CPQ: variants seen among roughly 807,000 people sequenced by gnomAD.
The protein encoded by CPQ is carboxypeptidase Q.
In CPQ, 37 loss-of-function variants were observed where a neutral mutation model predicts 45.7. The observed-to-expected ratio is 0.81, with a 90% CI of 0.62 to 1.07. CPQ has a LOEUF of 1.07. Ranked by LOEUF, CPQ falls within the 50% of genes least tolerant of loss-of-function variation. The pLI is 0.00. For missense variants in CPQ, 537 were observed against 572.9 expected, an observed-to-expected ratio of 0.94 and a Z score of 0.64; for synonymous variants, 186 against 205.8, an observed-to-expected ratio of 0.90 and a Z score of 0.82.
intron 2 of CPQ, among the ~76,000 whole-genome samples, chr8:96,795,764 A>G (rs1352045906): frequency 1.3e-5 from 2 of 152,056 alleles, no homozygotes; most frequent in Non-Finnish European, 1.5e-5. Flanking sequence ...CTTTTAATGT[A>G]GAAAGAAGTA....
intron 6 of CPQ, among the ~76,000 whole-genome samples, chr8:97,029,856 C>T (rs184712303): frequency 7.9e-5 from 12 of 152,250 alleles, no homozygotes; most frequent in African/African-American, 1.2e-4. Flanking sequence ...CCTCAATGCC[C>T]GCCATATTCC....
At chr8:96,788,826 A>T in intron 2 of CPQ, among the ~76,000 whole-genome samples, 1 of 147,634 alleles carries the variant, frequency 6.8e-6, no homozygotes. Context: ...TTTATTCTTT[A>T]TTTTCTTTGT....
At chr8:96,881,514 G>A (rs1293270948) in intron 4 of CPQ, among the ~76,000 whole-genome samples, 4 of 152,084 alleles carry the variant, frequency 2.6e-5, no homozygotes, top group Admixed American at 2.0e-4. Context: ...TCCGACATTC[G>A]AATTACAATT....
chr8:96,933,051 T>G (rs967962146), intron 4 of CPQ, among the ~76,000 whole-genome samples: 4 of 152,192 alleles, frequency 2.6e-5, no homozygotes, highest in Admixed American at 2.6e-4. Context: ...GTCAACTCTT[T>G]CAGATGGTAG....
chr8:96,906,429 T>G (rs542173969), intron 4 of CPQ, among the ~76,000 whole-genome samples: 1 of 152,172 alleles, frequency 6.6e-6, no homozygotes, highest in Non-Finnish European at 1.5e-5. Flanking sequence ...AACCCCAGCA[T>G]ACAGCACAAG....
Position 96,824,827 on chromosome 8 carries a change from T to C in CPQ, c.434-10146T>C. Among the ~76,000 whole-genome samples, 2 of 152,076 alleles carry C rather than the reference T, an allele frequency of 1.3e-5. 1 individual carries two copies. The highest frequency in any genetic ancestry group is 2.9e-5 in the Non-Finnish European group (2 of 67,988). On this transcript the variant is annotated intron_variant, in intron 2 of 7. Coordinates refer to ENST00000220763, the MANE Select transcript of CPQ (RefSeq NM_016134.4). ...CTATTCATTTTGTTGATTTCAGTGGTTGGGGATAAATGGCCCAGGAGGCTC... is the reference window on the plus strand; with the variant it reads ...CTATTCATTTTGTTGATTTCAGTGGCTGGGGATAAATGGCCCAGGAGGCTC...
chr8:96,656,711 G>A (rs1217995449), intron 1 of CPQ, among the ~76,000 whole-genome samples: 1 of 152,260 alleles, frequency 6.6e-6, no homozygotes, highest in African/African-American at 2.4e-5. Context: ...GAGGCTGGCC[G>A]TCTAAAGACT....
At chr8:96,891,972 G>T (rs566572307) in intron 4 of CPQ, among the ~76,000 whole-genome samples, 1 of 152,242 alleles carries the variant, frequency 6.6e-6, no homozygotes, top group Non-Finnish European at 1.5e-5. Flanking sequence ...TTGGGATGAG[G>T]TATATTACAA....
chr8:97,060,695 T>C (rs1810535997), intron 6 of CPQ, among the ~76,000 whole-genome samples: 1 of 152,136 alleles, frequency 6.6e-6, no homozygotes, highest in Non-Finnish European at 1.5e-5. Flanking sequence ...CTACACCCTA[T>C]AAACAAGAGG....
At chr8:96,658,506 G>A (rs947251251) in intron 1 of CPQ, among the ~76,000 whole-genome samples, 8 of 152,098 alleles carry the variant, frequency 5.3e-5, no homozygotes, top group South Asian at 2.1e-4. Flanking sequence ...CACCCCCTAC[G>A]GTGTCCATAT....
At chr8:96,667,116 C>T (rs771477613) in intron 1 of CPQ, among the ~76,000 whole-genome samples, 2 of 152,212 alleles carry the variant, frequency 1.3e-5, no homozygotes, top group Non-Finnish European at 2.9e-5. Flanking sequence ...AAATCTACCC[C>T]GCCATTTGGA....
At chr8:96,825,240 C>T (rs1022435447) in intron 2 of CPQ, among the ~76,000 whole-genome samples, 1 of 152,026 alleles carries the variant, frequency 6.6e-6, no homozygotes, top group Non-Finnish European at 1.5e-5. Context: ...AATGAAGTCT[C>T]CTCTGTCTTT....
chr8:96,941,156 TG>T (rs1390453923), intron 4 of CPQ, among the ~76,000 whole-genome samples: 2 of 152,146 alleles, frequency 1.3e-5, no homozygotes, highest in Non-Finnish European at 2.9e-5. Context: ...GGATGGAATG[TG>T]GGTACTACAT....
At chr8:96,837,375 T>A (rs570358610) in intron 3 of CPQ, among the ~76,000 whole-genome samples, 5 of 152,192 alleles carry the variant, frequency 3.3e-5, no homozygotes, top group Non-Finnish European at 5.9e-5. Flanking sequence ...TGCCTACGTG[T>A]CAAATTTAAT....
At chr8:97,125,040 C>G (rs577527421) in intron 7 of CPQ, among the ~76,000 whole-genome samples, 1 of 152,050 alleles carries the variant, frequency 6.6e-6, no homozygotes, top group Non-Finnish European at 1.5e-5. Context: ...AAGATGCAAA[C>G]TGGCAATCTC....
At position 96,870,699 on chromosome 8, in the gene CPQ, C is replaced by T. The variant is rs372192031; in HGVS notation, c.642-9099C>T. On this transcript the variant is annotated intron_variant, in intron 3 of 7. Transcript: ENST00000220763. The stretch of plus-strand genomic sequence containing the variant: ...AATGAATTAATGTGTGAAAAGCACA[C>T]AGCACACTGGCAGGCACAGGGCAAA... Among the ~76,000 whole-genome samples the T allele has an allele frequency of 8.3e-4, 127 of 152,126 alleles. 1 individual carries two copies. Among genetic ancestry groups the T allele is most frequent in the Non-Finnish European group, 5.2e-4 (35 of 67,954 alleles).
chr8:97,017,824 G>A (rs1202817450), intron 5 of CPQ, among the ~76,000 whole-genome samples: 1 of 151,918 alleles, frequency 6.6e-6, no homozygotes, highest in African/African-American at 2.4e-5. Context: ...GAAGACAAAG[G>A]GCATATACTC....
At chr8:96,737,157 G>A (rs533050252) in intron 1 of CPQ, among the ~76,000 whole-genome samples, 8 of 148,276 alleles carry the variant, frequency 5.4e-5, no homozygotes, top group Admixed American at 4.8e-4. Flanking sequence ...ATTCCTATTT[G>A]CTCTTTTCTT....
chr8:96,713,715 CA>C (rs1368293765), intron 1 of CPQ, among the ~76,000 whole-genome samples: 2 of 152,170 alleles, frequency 1.3e-5, no homozygotes, highest in Non-Finnish European at 2.9e-5. Flanking sequence ...TGGATGGGGA[CA>C]CAGCCAAACC....
Sources: gnomAD v4.1 joint callset for allele counts (sites outside exome capture counted in the v4.1 genomes callset) on GRCh38, gnomAD v4.1.1 for gene constraint, MANE v1.5 for transcripts, NCBI Gene and HGNC (gene_info 2026-07-23, HGNC 2026-07-21) for gene names.